NEGR1: variants seen among roughly 807,000 people sequenced by gnomAD.
NEGR1 encodes IgLON family member 4.
In NEGR1, 10 loss-of-function variants were observed where a neutral mutation model predicts 40.9. The ratio of observed to expected loss-of-function variants is 0.24; its 90% confidence interval spans 0.15 to 0.42. NEGR1 has a LOEUF of 0.42. Among genes scored for constraint, NEGR1 ranks in the 10% least tolerant of loss-of-function variants. The pLI is 1.00. For missense variants in NEGR1, 352 were observed against 438.9 expected, an observed-to-expected ratio of 0.80 and a Z score of 1.77; for synonymous variants, 185 against 166.8, an observed-to-expected ratio of 1.11 and a Z score of -0.84.
chr1:71,615,382 A>G (rs1158549942), intron 4 of NEGR1, among the ~76,000 whole-genome samples: 1 of 152,212 alleles, frequency 6.6e-6, no homozygotes, highest in East Asian at 1.9e-4. Flanking sequence ...GAAGAGCAAG[A>G]TATGTTATTT....
At chr1:71,644,523 G>A (rs1651467881) in intron 4 of NEGR1, among the ~76,000 whole-genome samples, 1 of 151,898 alleles carries the variant, frequency 6.6e-6, no homozygotes, top group Admixed American at 6.6e-5. Context: ...TGTGAAGCCA[G>A]GGTCTGCTTT....
At chr1:71,581,700 T>TA (rs1649139952) in intron 6 of NEGR1, among the ~76,000 whole-genome samples, 1 of 147,798 alleles carries the variant, frequency 6.8e-6, no homozygotes, top group Admixed American at 6.7e-5. Context: ...TATACACAAT[T>TA]TTTTTTTTTT....
chr1:71,961,535 T>C (rs1646165373), intron 1 of NEGR1, among the ~76,000 whole-genome samples: 1 of 152,096 alleles, frequency 6.6e-6, no homozygotes, highest in African/African-American at 2.4e-5. Context: ...TCAGGTTTTC[T>C]CTACTGTAAA....
chr1:71,802,256 T>C (rs1351805267), intron 2 of NEGR1, among the ~76,000 whole-genome samples: 1 of 152,148 alleles, frequency 6.6e-6, no homozygotes, highest in East Asian at 1.9e-4. Context: ...ATTATCAGTT[T>C]ATACATACTG....
chr1:72,226,596 C>T lies in NEGR1; in HGVS notation c.176+55723G>A, dbSNP rs183220925. On this transcript the variant is annotated intron_variant, in intron 1 of 6. Coordinates refer to ENST00000357731, the MANE Select transcript of NEGR1 (RefSeq NM_173808.3). ...ATGTACATTCAAAATTTGCAAGTTA[C>T]ATTAAAAATTTGATTCGGCCATTGG... 9.1e-4 allele frequency among the ~76,000 whole-genome samples: 138 copies of T among 152,038 alleles called. 1 individual carries two copies. The highest frequency in any genetic ancestry group is 6.6e-5 in the Admixed American group (1 of 15,242).
At chr1:71,625,983 G>C (rs912910301) in intron 4 of NEGR1, among the ~76,000 whole-genome samples, 1 of 151,886 alleles carries the variant, frequency 6.6e-6, no homozygotes, top group African/African-American at 2.4e-5. Context: ...TCTAATAGGA[G>C]TGTGAACCCT....
chr1:71,632,485 A>T (rs531756518), intron 4 of NEGR1, among the ~76,000 whole-genome samples: 7 of 150,970 alleles, frequency 4.6e-5, no homozygotes, highest in East Asian at 2.0e-4. Flanking sequence ...ATTTTATTGA[A>T]CTTCTATGCT....
At chr1:71,471,231 A>C (rs1027561773) in intron 6 of NEGR1, among the ~76,000 whole-genome samples, 6 of 152,260 alleles carry the variant, frequency 3.9e-5, no homozygotes, top group African/African-American at 1.4e-4. Flanking sequence ...CTTCAGTAAA[A>C]CATCAATGGT....
At chr1:72,126,153 G>C (rs1278656588) in intron 1 of NEGR1, among the ~76,000 whole-genome samples, 1 of 151,298 alleles carries the variant, frequency 6.6e-6, no homozygotes, top group Non-Finnish European at 1.5e-5. Flanking sequence ...GAGAAAGAGA[G>C]AGGAACGGAG....
intron 4 of NEGR1, among the ~76,000 whole-genome samples, chr1:71,659,665 G>T (rs1291686103): frequency 6.6e-6 from 1 of 152,092 alleles, no homozygotes; most frequent in Non-Finnish European, 1.5e-5. Flanking sequence ...GGTGGGCAAA[G>T]GATATGAACA....
intron 1 of NEGR1, among the ~76,000 whole-genome samples, chr1:72,068,335 T>A (rs1349370533): frequency 2.0e-5 from 3 of 152,186 alleles, no homozygotes; most frequent in Non-Finnish European, 4.4e-5. Context: ...AGTCAGATCA[T>A]GCCTGCTGGC....
intron 4 of NEGR1, among the ~76,000 whole-genome samples, chr1:71,655,401 A>G (rs532199410): frequency 4.3e-4 from 66 of 152,338 alleles, no homozygotes; most frequent in Non-Finnish European, 8.5e-4. Flanking sequence ...AGTAAAAAAT[A>G]GACTCCTTAT....
intron 2 of NEGR1, among the ~76,000 whole-genome samples, chr1:71,930,037 T>G (rs1245521696): frequency 1.3e-5 from 2 of 152,138 alleles, no homozygotes; most frequent in Non-Finnish European, 2.9e-5. Context: ...GGAGAAATAA[T>G]ATTTGTGGAG....
chr1:71,829,547 C>A (rs1014633947), intron 2 of NEGR1, among the ~76,000 whole-genome samples: 1 of 151,896 alleles, frequency 6.6e-6, no homozygotes, highest in Non-Finnish European at 1.5e-5. Context: ...TTCTTGACCG[C>A]TGTAGTCCAG....
chr1:71,577,379 G>T (rs1648998908), intron 6 of NEGR1, among the ~76,000 whole-genome samples: 1 of 152,150 alleles, frequency 6.6e-6, no homozygotes, highest in Admixed American at 6.5e-5. Context: ...CACCTAGGAA[G>T]AAGCCTATAA....
intron 2 of NEGR1, among the ~76,000 whole-genome samples, chr1:71,924,263 G>T (rs936964564): frequency 1.3e-5 from 2 of 152,090 alleles, no homozygotes; most frequent in Non-Finnish European, 2.9e-5. Flanking sequence ...GTATCATTCG[G>T]TCTACCACAA....
chr1:71,610,922 G>T (rs1650228817), intron 5 of NEGR1, 104 bp downstream of exon 5: 5 of 1,202,052 alleles, frequency 4.2e-6, no homozygotes, highest in East Asian at 2.4e-5. Context: ...AGGCTGCTGA[G>T]AATCATTCAA....
At chr1:71,861,339 G>T (rs1464028989) in intron 2 of NEGR1, among the ~76,000 whole-genome samples, 1 of 152,032 alleles carries the variant, frequency 6.6e-6, no homozygotes, top group Non-Finnish European at 1.5e-5. Context: ...CAATCTAAGA[G>T]AGGTGGACTG....
In NEGR1 at chr1:71,981,108, G is replaced by A. The variant is rs1294847043; in HGVS notation, c.177-45797C>T. On this transcript the variant is annotated intron_variant, in intron 1 of 6. Transcript: ENST00000357731. ...ATCATTGTATCCCAAGAGCTACTAG[G>A]TGTAAGAATGACAATGTTCCCTAAA... 2.0e-4 allele frequency among the ~76,000 whole-genome samples: 30 copies of A among 152,070 alleles called. 1 individual carries two copies. The highest frequency in any genetic ancestry group is 2.0e-3 in the Admixed American group (30 of 15,254).
Sources: allele counts gnomAD v4.1 joint callset (sites outside exome capture counted in the v4.1 genomes callset), GRCh38; gene constraint gnomAD v4.1.1; transcripts MANE v1.5; gene names NCBI Gene and HGNC (gene_info 2026-07-23, HGNC 2026-07-21).